Variants in KIF1B observed in about 807,000 individuals in gnomAD.
KIF1B encodes the protein kinesin family member 1B, also known as kinesin-like protein KIF1B.
In KIF1B, 76 loss-of-function variants were observed where a neutral mutation model predicts 241.9. The observed-to-expected ratio is 0.31, with a 90% CI of 0.26 to 0.38. KIF1B has a LOEUF of 0.38. Ranked by LOEUF, KIF1B falls within the 10% of genes least tolerant of loss-of-function variation. KIF1B has a pLI of 1.00. For missense variants in KIF1B, 1,622 were observed against 2,271.4 expected (o/e 0.71, Z 5.81); for synonymous variants, 750 against 796.7 (o/e 0.94, Z 0.99).
chr1:10,293,481 C>T (rs60490329), intron 17 of KIF1B, among the ~76,000 whole-genome samples: 2,348 of 151,136 alleles, frequency 0.016, 61 homozygotes, highest in African/African-American at 0.053. Flanking sequence ...CTGCAACCTC[C>T]GCCTCCCGGG....
At chr1:10,308,841 A>G (rs1650949104) in intron 22 of KIF1B, among the ~76,000 whole-genome samples, 1 of 152,244 alleles carries the variant, frequency 6.6e-6, no homozygotes, top group South Asian at 2.1e-4. Context: ...CATTTCACTT[A>G]CATAAAATCT....
At chr1:10,360,166 A>G (rs1638378595) in intron 38 of KIF1B, among the ~76,000 whole-genome samples, 1 of 152,156 alleles carries the variant, frequency 6.6e-6, no homozygotes, top group Non-Finnish European at 1.5e-5. Context: ...GCAGCACTGG[A>G]TTGAATGATG....
At chr1:10,247,515 C>T (rs1571133340) in intron 2 of KIF1B, among the ~76,000 whole-genome samples, 1 of 152,138 alleles carries the variant, frequency 6.6e-6, no homozygotes, top group East Asian at 1.9e-4. Context: ...CTTGTTTTCA[C>T]TAGGTATCTA....
At chr1:10,350,087 G>A (rs933604773) in intron 37 of KIF1B, among the ~76,000 whole-genome samples, 1 of 151,934 alleles carries the variant, frequency 6.6e-6, no homozygotes, top group African/African-American at 2.4e-5. Context: ...TCAAGAGATT[G>A]AGACCATCCT....
At chr1:10,273,103 G>A (rs180880260) in intron 10 of KIF1B, 72 bp downstream of exon 10, 108 of 1,112,660 alleles carry the variant, frequency 9.7e-5, no homozygotes, top group African/African-American at 1.6e-5. Context: ...GATGTATGGA[G>A]GCATAAGTAG....
intron 22 of KIF1B, among the ~76,000 whole-genome samples, chr1:10,319,294 G>A (rs1651428696): frequency 6.6e-6 from 1 of 151,998 alleles, no homozygotes; most frequent in Non-Finnish European, 1.5e-5. Flanking sequence ...TAGAGACAGG[G>A]TTTCTCCATG....
At chr1:10,252,933 C>T (rs1357766497) in intron 2 of KIF1B, among the ~76,000 whole-genome samples, 1 of 152,104 alleles carries the variant, frequency 6.6e-6, no homozygotes, top group Non-Finnish European at 1.5e-5. Context: ...CCATGTTGGA[C>T]AGGCTGGTCT....
At chr1:10,343,486 G>A (rs960198605) in intron 34 of KIF1B, among the ~76,000 whole-genome samples, 199 bp downstream of exon 34, 1 of 152,116 alleles carries the variant, frequency 6.6e-6, no homozygotes. Flanking sequence ...GGCTGGGCGC[G>A]GTGGCTCATG....
Position 10,210,639 on chromosome 1 carries a change from A to ACCGCCGGCCGTCG in KIF1B, c.-314_-302dup, listed in dbSNP as rs1183629702. On this transcript the variant is annotated 5_prime_UTR_variant, in exon 1 of 49. Transcript: ENST00000676179. The surrounding 1 kb of genome is among the most constrained non-coding windows in gnomAD (Gnocchi z 4.1). ...CAGCTCCCCGTCCTCCGCAGCCGTC[A>ACCGCCGGCCGTCG]CCGCCGGCCGTCGCCGCGCCCTGGC... 6.8e-6 allele frequency among the ~76,000 whole-genome samples: 1 copy of ACCGCCGGCCGTCG among 147,962 alleles called. No individual in the cohort carries two copies. Among genetic ancestry groups the ACCGCCGGCCGTCG allele is most frequent in the African/African-American group, 2.4e-5 (1 of 40,846 alleles).
In KIF1B at chr1:10,326,232, G is replaced by A; in HGVS notation, c.2797G>A (p.Asp933Asn). The A allele has an allele frequency of 6.2e-7, 1 of 1,614,186 alleles. No individual in the cohort carries two copies. Among genetic ancestry groups the A allele is most frequent in the Non-Finnish European group, 8.5e-7 (1 of 1,180,036 alleles). ...TGACGAGCAGCAAGATGAGATGGAGGATTTTGATGATGAGGCATTCGTGGA... is the reference window on the plus strand; with the variant it reads ...TGACGAGCAGCAAGATGAGATGGAGAATTTTGATGATGAGGCATTCGTGGA... ...LADEQQDEME[D>N]FDDEAFVDDA... The change falls in exon 27 of 49, where the codon GAT (aspartate) becomes AAT (asparagine). Residue 933 changes from aspartate (D) to asparagine (N), a missense_variant. Physicochemically the swap from Asp to Asn is conservative, Grantham distance 23. Around this residue, in one of 7 missense-constraint regions of KIF1B, gnomAD observed 803 missense variants for 1,112.0 expected, o/e 0.72. Transcript: ENST00000676179. This position sits in a 1 kb window ranked among gnomAD's most constrained non-coding sequence, Gnocchi z 5.2.
intron 2 of KIF1B, among the ~76,000 whole-genome samples, chr1:10,239,179 C>T (rs1355227721): frequency 2.6e-5 from 4 of 152,184 alleles, no homozygotes; most frequent in African/African-American, 9.7e-5. Context: ...GGTCCCAACT[C>T]TTGGGCTCAA....
chr1:10,320,822 C>CTCAGCT (rs1356201209), intron 23 of KIF1B, among the ~76,000 whole-genome samples: 1 of 151,490 alleles, frequency 6.6e-6, no homozygotes, highest in Non-Finnish European at 1.5e-5. Context: ...CGCCTCCTGC[C>CTCAGCT]TCCTAAGTAG....
At chr1:10,356,107 C>T (rs1329762000) in intron 38 of KIF1B, among the ~76,000 whole-genome samples, 3 of 152,130 alleles carry the variant, frequency 2.0e-5, no homozygotes, top group African/African-American at 7.2e-5. Context: ...GTGGCTCACA[C>T]CTGTAATCCC....
At chr1:10,358,925 G>C (rs115294299) in intron 38 of KIF1B, among the ~76,000 whole-genome samples, 4,391 of 152,236 alleles carry the variant, frequency 0.029, 65 homozygotes, top group African/African-American at 0.038. Flanking sequence ...TGGTGGCTTT[G>C]TCTTTGACTT....
chr1:10,329,311 A>G (rs1244931791), intron 27 of KIF1B, among the ~76,000 whole-genome samples: 2 of 152,212 alleles, frequency 1.3e-5, no homozygotes, highest in African/African-American at 4.8e-5. Context: ...ATTTACAATA[A>G]TGCAACATCA....
intron 40 of KIF1B, 72 bp from the exon 41 acceptor site, chr1:10,363,211 G>A: frequency 8.9e-7 from 1 of 1,121,334 alleles, no homozygotes; most frequent in Non-Finnish European, 1.4e-6. Flanking sequence ...ACTATTTTAA[G>A]TAGCAGAAAT....
intron 22 of KIF1B, among the ~76,000 whole-genome samples, chr1:10,312,919 G>C (rs1651129984): frequency 6.6e-6 from 1 of 151,630 alleles, no homozygotes; most frequent in Non-Finnish European, 1.5e-5. Flanking sequence ...AAAGGTATTT[G>C]CTGAGTGGAT....
intron 1 of KIF1B, among the ~76,000 whole-genome samples, chr1:10,212,767 G>C (rs1646708822): frequency 6.6e-6 from 1 of 151,412 alleles, no homozygotes; most frequent in Non-Finnish European, 1.5e-5. Context: ...GCTCATGCCT[G>C]TATTCCCAGC....
intron 31 of KIF1B, among the ~76,000 whole-genome samples, chr1:10,338,675 A>C (rs1652271788): frequency 6.6e-6 from 1 of 152,240 alleles, no homozygotes. Context: ...ACCTGGTGTT[A>C]GCTCTGGGGA....
Sources: gnomAD v4.1 joint callset for allele counts (sites outside exome capture counted in the v4.1 genomes callset) on GRCh38, gnomAD v4.1.1 for gene constraint, gnomAD v4.1.1 regional missense constraint, Gnocchi (gnomAD v3.1) non-coding constraint, MANE v1.5 for transcripts, NCBI Gene and HGNC (gene_info 2026-07-23, HGNC 2026-07-21) for gene names.